The following PKHD1L1 variants were observed in gnomAD, a reference collection of about 807,000 sequenced individuals.
PKHD1L1 encodes the protein PKHD1 like 1, also known as fibrocystin-L.
Under a neutral mutation model 462.9 loss-of-function variants are expected in PKHD1L1, and 434 were observed. That is an observed-to-expected ratio of 0.94 (90% CI 0.87 to 1.02). The LOEUF is 1.02. Among genes scored for constraint, PKHD1L1 ranks in the 50% least tolerant of loss-of-function variants. The pLI is 0.00. For missense variants in PKHD1L1, 5,202 were observed against 5,096.1 expected (o/e 1.02, Z -0.63); for synonymous variants, 1,781 against 1,750.0 (o/e 1.02, Z -0.44).
Position 109,456,198 on chromosome 8 carries a change from A to G in PKHD1L1, c.6875-64A>G, listed in dbSNP as rs1433248657. On this transcript the variant is annotated intron_variant, in intron 45 of 77. Coordinates refer to ENST00000378402, the MANE Select transcript of PKHD1L1 (RefSeq NM_177531.6). ...TCAATTTAGGAAAAGATTAAAATGT[A>G]TAAAGTTCTCAATAACAAATCAAAC... 4.7e-6 allele frequency: 7 copies of G among 1,501,990 alleles called. No homozygotes were observed. In the East Asian group the frequency reaches 1.6e-4, roughly 35 times the overall value. The allele number at this position is 1,501,990 out of a possible 1,614,324, so 93.0% of individuals were successfully genotyped here.
chr8:109,452,045 A>G (rs1563559790), intron 41 of PKHD1L1, 79 bp from the exon 42 acceptor site: 6 of 1,315,392 alleles, frequency 4.6e-6, no homozygotes, highest in South Asian at 1.6e-5. Flanking sequence ...GCAATAATAC[A>G]TAGGAATAAA....
Position 109,498,339 on chromosome 8 carries a change from G to C in PKHD1L1, c.10600-123G>C, listed in dbSNP as rs1423799590. On this transcript the variant is annotated intron_variant, in intron 65 of 77. Transcript: ENST00000378402. ...GATGGTCTCGATCTCCTGACCTCATGATCCACCCGCCTCGGCCTCCCAAAG... is the reference window on the plus strand; with the variant it reads ...GATGGTCTCGATCTCCTGACCTCATCATCCACCCGCCTCGGCCTCCCAAAG... 3 of 258,096 alleles carry C rather than the reference G, an allele frequency of 1.2e-5. 1 individual carries two copies. Among genetic ancestry groups the C allele is most frequent in the Non-Finnish European group, 1.9e-5 (3 of 160,142 alleles). The allele number at this position is 258,096 out of a possible 1,614,324, so 16.0% of individuals were successfully genotyped here. A position where few individuals can be genotyped will look rare whatever the true frequency, so the allele number is the denominator to read the frequency against.
intron 20 of PKHD1L1, 55 bp from the exon 21 acceptor site, chr8:109,413,366 T>C: frequency 8.4e-7 from 1 of 1,194,856 alleles, no homozygotes; most frequent in South Asian, 2.1e-5. Context: ...TGAATTGTTG[T>C]GAAACAATGT....
chr8:109,452,332 G>T lies in PKHD1L1; in HGVS notation c.6507+52G>T, dbSNP rs957636133. ...CACAGCAATAGAAAACCAGCATTAT[G>T]GGAGGTGGGCTAATTGGTAATTGTT... is the stretch of plus-strand genomic sequence containing the variant. On this transcript the variant is annotated intron_variant, in intron 42 of 77. Transcript: ENST00000378402. 8.5e-6 allele frequency: 12 copies of T among 1,420,000 alleles called. No individual in the cohort carries two copies. In the African/African-American group the frequency reaches 1.3e-4, roughly 15 times the overall value. 88.0% of individuals were successfully genotyped at this position (1,420,000 alleles called of 1,614,324 possible). A position where few individuals can be genotyped will look rare whatever the true frequency, so the allele number is the denominator to read the frequency against.
At chr8:109,428,689 CTT>C (rs1245485416) in intron 25 of PKHD1L1, among the ~76,000 whole-genome samples, 1 of 152,144 alleles carries the variant, frequency 6.6e-6, no homozygotes, top group African/African-American at 2.4e-5. Context: ...TAATCAGTCT[CTT>C]CTGCTTATTC....
At position 109,494,245 on chromosome 8, in the gene PKHD1L1, T is replaced by C. The variant is rs144469143; in HGVS notation, c.10327+494T>C. On this transcript the variant is annotated intron_variant, in intron 63 of 77. Coordinates refer to ENST00000378402, the MANE Select transcript of PKHD1L1 (RefSeq NM_177531.6). ...TTAAGAGGTAACTGAGCATCTACTC[T>C]TTTGGCAAGGCTGTAGGGAAAGCGA... 2.6e-3 allele frequency among the ~76,000 whole-genome samples: 388 copies of C among 152,112 alleles called. 3 individuals are homozygous for C. Among genetic ancestry groups the C allele is most frequent in the Admixed American group, 4.9e-3 (74 of 15,256 alleles).
intron 60 of PKHD1L1, 86 bp downstream of exon 60, chr8:109,490,141 A>G (rs1818757385): frequency 2.5e-6 from 2 of 804,104 alleles, no homozygotes; most frequent in Admixed American, 6.0e-5. Context: ...GCCACATCTT[A>G]TATTAGCTAA....
chr8:109,375,308 G>C (rs975679840), intron 2 of PKHD1L1, among the ~76,000 whole-genome samples: 1 of 152,164 alleles, frequency 6.6e-6, no homozygotes, highest in East Asian at 1.9e-4. Context: ...ACTGAGGCTT[G>C]TGCATTTGTC....
Position 109,527,028 on chromosome 8 carries a change from C to A in PKHD1L1, c.12721+8C>A, listed in dbSNP as rs781303573. ...CTTTGAATATAACTTTAAGTAAGTA[C>A]AGTCCATTAATACATTATTTCTCCA... On this transcript the variant is annotated splice_region_variant and intron_variant, in intron 77 of 77. Transcript: ENST00000378402. 6.3e-7 allele frequency: 1 copy of A among 1,581,318 alleles called. No individual in the cohort carries two copies. The highest frequency in any genetic ancestry group is 8.7e-7 in the Non-Finnish European group (1 of 1,153,130).
Position 109,400,160 on chromosome 8 carries a change from C to G in PKHD1L1, c.1097C>G (p.Pro366Arg). 6.2e-7 allele frequency: 1 copy of G among 1,613,618 alleles called. No individual in the cohort carries two copies. Among genetic ancestry groups the G allele is most frequent in the East Asian group, 2.2e-5 (1 of 44,876 alleles). Residue 366 changes from proline to arginine, a missense_variant, in exon 13 of 78, where the codon CCT becomes CGT. By Grantham distance (103) the Pro-to-Arg change is moderately radical. Transcript: ENST00000378402. ...ATACTGGAATACAATGAAAAAACGCCTGGGTACATGGGTGCCAGTTGGGTA... is the reference window on the plus strand; with the variant it reads ...ATACTGGAATACAATGAAAAAACGCGTGGGTACATGGGTGCCAGTTGGGTA... ...EEILEYNEKT[P>R]GYMGASWVDS...
At chr8:109,489,916 T>C in intron 59 of PKHD1L1, 36 bp from the exon 60 acceptor site, 1 of 1,347,302 alleles carries the variant, frequency 7.4e-7, no homozygotes, top group Non-Finnish European at 1.0e-6. Flanking sequence ...CCAACTGTTT[T>C]AAGAAAAACA....
rs200349211 is a variant in PKHD1L1, at chr8:109,507,654, T to A, written c.10995-9T>A. 4.2e-5 allele frequency: 68 copies of A among 1,605,964 alleles called. No individual in the cohort carries two copies. In the East Asian group the frequency reaches 9.1e-4, roughly 22 times the overall value. ...ACAATGAACTGAATAATTCAACTTT[T>A]CTCCACAGTAAGGTCAATCCATCTG... On this transcript the variant is annotated splice_polypyrimidine_tract_variant and intron_variant, in intron 68 of 77. Transcript: ENST00000378402.
At chr8:109,480,524 A>C (rs1165757436) in intron 55 of PKHD1L1, 2 of 437,472 alleles carry the variant, frequency 4.6e-6, no homozygotes, top group African/African-American at 2.1e-5. Flanking sequence ...TAAAAAAAAA[A>C]CCAAAGGGAC....
intron 13 of PKHD1L1, among the ~76,000 whole-genome samples, 179 bp from the exon 14 acceptor site, chr8:109,401,318 T>C (rs935375307): frequency 7.4e-6 from 1 of 135,842 alleles, no homozygotes; most frequent in African/African-American, 2.5e-5. Context: ...ACTTTGATAA[T>C]TTAAAAAAAA....
chr8:109,513,253 G>A (rs964844630), intron 71 of PKHD1L1, among the ~76,000 whole-genome samples: 1 of 151,980 alleles, frequency 6.6e-6, no homozygotes, highest in Non-Finnish European at 1.5e-5. Flanking sequence ...AGTGGTGAGA[G>A]AGGGCATCCC....
chr8:109,375,694 T>C (rs1457454948), intron 2 of PKHD1L1, among the ~76,000 whole-genome samples: 1 of 152,220 alleles, frequency 6.6e-6, no homozygotes, highest in African/African-American at 2.4e-5. Flanking sequence ...GGATGTCCTT[T>C]CTGTTTGTTA....
At chr8:109,502,460 C>T (rs1819471694) in intron 67 of PKHD1L1, among the ~76,000 whole-genome samples, 1 of 152,194 alleles carries the variant, frequency 6.6e-6, no homozygotes, top group Admixed American at 6.5e-5. Context: ...GCATTCAGCA[C>T]ATTCTGAGAC....
In PKHD1L1 at chr8:109,488,187, C is replaced by A. The variant is rs1262854061; in HGVS notation, c.9880+1366C>A. Among the ~76,000 whole-genome samples the A allele has an allele frequency of 2.0e-5, 3 of 151,938 alleles. No homozygotes were observed. The East Asian group carries it at 5.8e-4, about 29-fold the overall frequency. ...CATATAGGAAACACAGGAAAAAATG[C>A]TTGATTTTTCCTCATATTGACTAGG... On this transcript the variant is annotated intron_variant, in intron 59 of 77. Coordinates refer to ENST00000378402, the MANE Select transcript of PKHD1L1 (RefSeq NM_177531.6).
rs777196555 is a variant in PKHD1L1, at chr8:109,526,784, GA to G, written c.12491del (p.Asn4164IlefsTer14). 1 of 1,534,444 alleles carries G rather than the reference GA, an allele frequency of 6.5e-7. No individual in the cohort carries two copies. The highest frequency in any genetic ancestry group is 8.8e-7 in the Non-Finnish European group (1 of 1,140,492). ...NYTDLTPLRT[G>X]KNYKIEFILD... Reference sequence around the variant, plus strand: ...ACACTATGATGCTTTTTTTTTCCAGGAAAAAATTATAAGATTGAATTTATAC... The same window carrying G: ...ACACTATGATGCTTTTTTTTTCCAGGAAAAATTATAAGATTGAATTTATAC... On this transcript the variant is annotated frameshift_variant and splice_region_variant, in exon 77 of 78. Transcript: ENST00000378402. LOFTEE classifies it high-confidence loss of function.
Sources: allele counts gnomAD v4.1 joint callset (sites outside exome capture counted in the v4.1 genomes callset), GRCh38; gene constraint gnomAD v4.1.1; transcripts MANE v1.5; gene names NCBI Gene and HGNC (gene_info 2026-07-23, HGNC 2026-07-21).